The following CCDC171 variants were observed in gnomAD, a reference collection of about 807,000 sequenced individuals.
CCDC171 encodes coiled-coil domain-containing protein 171.
CCDC171 carries 177 observed loss-of-function variants against 168.2 expected under a neutral mutation model. That is an observed-to-expected ratio of 1.05 (90% CI 0.93 to 1.19). The LOEUF is 1.19. Ranked by LOEUF, CCDC171 falls within the 50% of genes most tolerant of loss-of-function variation. CCDC171 has a pLI of 0.00. For missense variants in CCDC171, 1,991 were observed against 1,539.0 expected (o/e 1.29, Z -4.91); for synonymous variants, 687 against 540.8 (o/e 1.27, Z -3.75).
At chr9:15,696,485 AGT>A (rs2051225914) in intron 11 of CCDC171, among the ~76,000 whole-genome samples, 1 of 152,234 alleles carries the variant, frequency 6.6e-6, no homozygotes, top group Non-Finnish European at 1.5e-5. Context: ...AAGATATAAA[AGT>A]GTCATAAAAG....
At position 15,657,134 on chromosome 9, in the gene CCDC171, C is replaced by G. The variant is rs368355958; in HGVS notation, c.830C>G (p.Thr277Ser). The G allele has an allele frequency of 6.2e-7, 1 of 1,600,072 alleles. No homozygotes were observed. The highest frequency in any genetic ancestry group is 8.5e-7 in the Non-Finnish European group (1 of 1,170,842). Residue 277 changes from threonine (T) to serine (S), a missense_variant, in exon 8 of 26, where the codon ACT (threonine) becomes AGT (serine). Coordinates refer to ENST00000380701, the MANE Select transcript of CCDC171 (RefSeq NM_173550.4). ...CTTTTAATTTGTTTTCAGGCAACTA[C>G]TCTAAGAGTGAGGAAATTAGAAGAA... Reference protein sequence around the residue: ...ERLRKEFEATTLRVRKLEENI... With the variant: ...ERLRKEFEATSLRVRKLEENI...
At chr9:15,637,954 G>C (rs547496485) in intron 7 of CCDC171, among the ~76,000 whole-genome samples, 103 of 152,212 alleles carry the variant, frequency 6.8e-4, no homozygotes, top group African/African-American at 2.3e-3. Context: ...CTTTATAACA[G>C]CATGATTTAT....
intron 24 of CCDC171, among the ~76,000 whole-genome samples, chr9:15,915,003 G>T (rs1407696721): frequency 4.6e-5 from 7 of 152,090 alleles, no homozygotes; most frequent in Admixed American, 4.6e-4. Flanking sequence ...CCAGTGAGTT[G>T]AACCGGGTAC....
At chr9:16,075,504 TG>T in the CCDC171 span, among the ~76,000 whole-genome samples, 1 of 152,216 alleles carries the variant, frequency 6.6e-6, no homozygotes, top group Non-Finnish European at 1.5e-5. Flanking sequence ...TGACTTCTTA[TG>T]GTCCTCAGTC....
At chr9:15,646,490 C>G (rs948868579) in intron 7 of CCDC171, among the ~76,000 whole-genome samples, 3 of 152,170 alleles carry the variant, frequency 2.0e-5, no homozygotes, top group Admixed American at 2.0e-4. Flanking sequence ...CATCAGTGTG[C>G]TGTATTCAGG....
At chr9:15,648,474 G>A (rs552810988) in intron 7 of CCDC171, among the ~76,000 whole-genome samples, 3 of 152,280 alleles carry the variant, frequency 2.0e-5, no homozygotes, top group South Asian at 2.1e-4. Flanking sequence ...GTTTGTAGAT[G>A]ACATGATTGT....
intron 2 of CCDC171, among the ~76,000 whole-genome samples, chr9:15,566,498 G>T (rs2039739356): frequency 6.6e-6 from 1 of 152,216 alleles, no homozygotes; most frequent in African/African-American, 2.4e-5. Context: ...GGCGGAGATT[G>T]CAGTGAGCCT....
intron 3 of CCDC171, among the ~76,000 whole-genome samples, chr9:15,989,175 C>T (rs1274184439): frequency 6.6e-6 from 1 of 152,196 alleles, no homozygotes; most frequent in African/African-American, 2.4e-5. Flanking sequence ...GGGAGGCATC[C>T]CCCAGTAGGG....
chr9:16,033,407 C>T (rs989648070), intron 6 of CCDC171, among the ~76,000 whole-genome samples: 3 of 152,178 alleles, frequency 2.0e-5, no homozygotes, highest in African/African-American at 7.2e-5. Flanking sequence ...ACAGCAGCGG[C>T]ATTAGATTCT....
intron 21 of CCDC171, among the ~76,000 whole-genome samples, chr9:15,799,082 T>A (rs1312827051): frequency 2.7e-5 from 4 of 146,596 alleles, no homozygotes; most frequent in African/African-American, 1.0e-4. Context: ...TAATAGAAAA[T>A]TAGATTTTAA....
At chr9:15,970,607 C>T (rs919788453) in intron 25 of CCDC171, among the ~76,000 whole-genome samples, 3 of 152,132 alleles carry the variant, frequency 2.0e-5, no homozygotes, top group African/African-American at 7.2e-5. Flanking sequence ...CTACTAGATA[C>T]TGACGTCACT....
intron 13 of CCDC171, among the ~76,000 whole-genome samples, chr9:15,724,457 T>A (rs1269568210): frequency 1.3e-5 from 2 of 152,350 alleles, no homozygotes; most frequent in African/African-American, 2.4e-5. Flanking sequence ...TAAAATATTT[T>A]AAAATTTTTG....
intron 18 of CCDC171, 76 bp downstream of exon 18, chr9:15,745,707 C>G: frequency 2.5e-6 from 2 of 798,120 alleles, no homozygotes; most frequent in Non-Finnish European, 3.9e-6. Context: ...GTCACAAATT[C>G]TAATAAAACA....
intron 16 of CCDC171, among the ~76,000 whole-genome samples, chr9:15,731,745 ATG>A (rs2054164571): frequency 6.6e-6 from 1 of 152,056 alleles, no homozygotes; most frequent in Non-Finnish European, 1.5e-5. Flanking sequence ...CATGGGATAT[ATG>A]TGTGTTCATA....
intron 25 of CCDC171, among the ~76,000 whole-genome samples, chr9:15,947,174 A>G (rs751252873): frequency 2.6e-5 from 4 of 152,036 alleles, no homozygotes; most frequent in African/African-American, 7.2e-5. Context: ...CCCTTTCTAC[A>G]TATATTTATT....
At chr9:15,980,661 C>G (rs954074648) in intron 3 of CCDC171, among the ~76,000 whole-genome samples, 1 of 151,926 alleles carries the variant, frequency 6.6e-6, no homozygotes, top group Admixed American at 6.6e-5. Flanking sequence ...TGGCATTTGT[C>G]TAAGATTTAC....
chr9:15,775,998 A>G (rs994741204), intron 18 of CCDC171, among the ~76,000 whole-genome samples: 16 of 152,332 alleles, frequency 1.1e-4, no homozygotes, highest in South Asian at 1.0e-3. Flanking sequence ...ATTGAATATT[A>G]TAGACAAAAT....
intron 24 of CCDC171, among the ~76,000 whole-genome samples, chr9:15,895,975 A>G (rs1356522136): frequency 6.6e-6 from 1 of 151,952 alleles, no homozygotes; most frequent in Admixed American, 6.6e-5. Flanking sequence ...TATGGTTTTC[A>G]TGTCCATATG....
intron 21 of CCDC171, among the ~76,000 whole-genome samples, chr9:15,802,095 T>G (rs1181722442): frequency 6.6e-6 from 1 of 151,932 alleles, no homozygotes; most frequent in Non-Finnish European, 1.5e-5. Flanking sequence ...TTGATTTGTC[T>G]TTGTCTGATT....
Sources: allele counts gnomAD v4.1 joint callset (sites outside exome capture counted in the v4.1 genomes callset), GRCh38; gene constraint gnomAD v4.1.1; transcripts MANE v1.5; gene names NCBI Gene and HGNC (gene_info 2026-07-23, HGNC 2026-07-21).